Variants in EHHADH observed in about 807,000 individuals in gnomAD.
The protein encoded by EHHADH is peroxisomal bifunctional enzyme.
Under a neutral mutation model 64.4 loss-of-function variants are expected in EHHADH, and 48 were observed. The observed-to-expected ratio is 0.75, with a 90% confidence interval of 0.59 to 0.95. The LOEUF (loss-of-function observed/expected upper bound fraction) is 0.95. Ranked by LOEUF, EHHADH falls within the 40% of genes least tolerant of loss-of-function variation. The probability of loss-of-function intolerance (pLI) is 0.00; values close to 1 mark genes in which losing one functional copy is unlikely to be tolerated. For missense variants in EHHADH, 854 were observed against 876.6 expected (o/e 0.97, Z 0.33); for synonymous variants, 308 against 326.7 (o/e 0.94, Z 0.62).
chr3:185,222,087 A>C (rs1219498856), intron 4 of EHHADH, among the ~76,000 whole-genome samples: 1 of 152,078 alleles, frequency 6.6e-6, no homozygotes, highest in Non-Finnish European at 1.5e-5. Context: ...GTCTGGGTGT[A>C]GAAATCACAA....
At chr3:185,211,715 T>G (rs1718545016) in intron 5 of EHHADH, among the ~76,000 whole-genome samples, 1 of 152,234 alleles carries the variant, frequency 6.6e-6, no homozygotes, top group Non-Finnish European at 1.5e-5. Flanking sequence ...TTTAGACATG[T>G]GCGTAGGCCT....
intron 4 of EHHADH, among the ~76,000 whole-genome samples, chr3:185,222,415 G>A (rs1313809416): frequency 6.6e-6 from 1 of 152,024 alleles, no homozygotes; most frequent in East Asian, 1.9e-4. Context: ...AAAAATCACT[G>A]CAAGCTTTAA....
At chr3:185,240,839 C>T (rs1719429296) in intron 2 of EHHADH, among the ~76,000 whole-genome samples, 1 of 151,542 alleles carries the variant, frequency 6.6e-6, no homozygotes, top group African/African-American at 2.4e-5. Context: ...TATTGGGGTA[C>T]AGGTGGTGTT....
Position 185,193,172 on chromosome 3 carries a change from T to A in EHHADH, c.1226A>T (p.Asn409Ile). 6.2e-7 allele frequency: 1 copy of A among 1,613,040 alleles called. No individual in the cohort carries two copies. Among genetic ancestry groups the A allele is most frequent in the Non-Finnish European group, 8.5e-7 (1 of 1,179,666 alleles). Residue 409 changes from asparagine to isoleucine, a missense_variant, in exon 7 of 7, where the codon AAT becomes ATT. By Grantham distance (149) the Asn-to-Ile change is moderately radical. Coordinates refer to ENST00000231887, the MANE Select transcript of EHHADH (RefSeq NM_001966.4). ...VCKPEAFLCT[N>I]TSALDVDEIA... ...CTCATCAACATCCAGGGCTGAAGTATTAGTGCACAAAAATGCTTCTGGTTT... is the reference window on the plus strand; with the variant it reads ...CTCATCAACATCCAGGGCTGAAGTAATAGTGCACAAAAATGCTTCTGGTTT...
chr3:185,204,489 A>T lies in EHHADH; in HGVS notation c.837T>A (p.Asn279Lys). The change falls in exon 6 of 7, where the codon AAT becomes AAA. Residue 279 changes from asparagine (N) to lysine (K), a missense_variant. Physicochemically the swap from Asn to Lys is moderately conservative, Grantham distance 94. Transcript: ENST00000231887. ...QYAFFAERKA[N>K]KWSTPSGASW... Reference sequence around the variant, plus strand: ...ATGCTCCGGAGGGAGTTGACCACTTATTTGCTTTCCTTTCAGCGAAGAAAG... The same window carrying T: ...ATGCTCCGGAGGGAGTTGACCACTTTTTTGCTTTCCTTTCAGCGAAGAAAG... 6.2e-7 allele frequency: 1 copy of T among 1,614,092 alleles called. No individual in the cohort carries two copies. The highest frequency in any genetic ancestry group is 8.5e-7 in the Non-Finnish European group (1 of 1,179,990).
intron 2 of EHHADH, among the ~76,000 whole-genome samples, chr3:185,235,920 C>T (rs943076967): frequency 2.6e-5 from 4 of 152,030 alleles, no homozygotes; most frequent in African/African-American, 9.7e-5. Context: ...GGGCATGAGT[C>T]ATCACAATAT....
At position 185,245,741 on chromosome 3, in the gene EHHADH, A is replaced by G. The variant is rs547780821; in HGVS notation, c.178+2673T>C. 4.3e-6 allele frequency: 3 copies of G among 703,400 alleles called. No homozygotes were observed. In the Admixed American group the frequency reaches 6.7e-5, roughly 16 times the overall value. The allele number at this position is 703,400 out of a possible 1,614,324, so 43.6% of individuals were successfully genotyped here. Reference sequence around the variant, plus strand: ...CTTGTACCCAATTCAACCAACAAAAATGCAAGTGTGCTGACAATATAATAG... The same window carrying G: ...CTTGTACCCAATTCAACCAACAAAAGTGCAAGTGTGCTGACAATATAATAG... On this transcript the variant is annotated intron_variant, in intron 2 of 6. Transcript: ENST00000231887.
chr3:185,253,870 G>A (rs1719820263), intron 1 of EHHADH, 79 bp downstream of exon 1: 8 of 1,579,586 alleles, frequency 5.1e-6, no homozygotes, highest in Non-Finnish European at 5.2e-6. Context: ...AAACCGACGG[G>A]GGAGAGTCAA....
rs535581593 is a variant in EHHADH at position 185,236,965 on chromosome 3, T to C, written c.179-1503A>G. ...ATTCCCATTTTACAGGTAAGGAAGTTAATGCTTTGAGACAAGTGACTACTT... is the reference window on the plus strand; with the variant it reads ...ATTCCCATTTTACAGGTAAGGAAGTCAATGCTTTGAGACAAGTGACTACTT... On this transcript the variant is annotated intron_variant, in intron 2 of 6. Transcript: ENST00000231887. 4.6e-5 allele frequency among the ~76,000 whole-genome samples: 7 copies of C among 152,338 alleles called. 1 individual carries two copies. The highest frequency in any genetic ancestry group is 1.7e-4 in the African/African-American group (7 of 41,576).
intron 1 of EHHADH, among the ~76,000 whole-genome samples, chr3:185,250,340 A>T (rs891169452): frequency 6.6e-6 from 1 of 152,210 alleles, no homozygotes; most frequent in South Asian, 2.1e-4. Context: ...GATCCTCTGG[A>T]TATATCTTCA....
intron 5 of EHHADH, among the ~76,000 whole-genome samples, chr3:185,212,950 T>C (rs984189013): frequency 1.3e-5 from 2 of 151,468 alleles, no homozygotes; most frequent in African/African-American, 4.9e-5. Context: ...TGAAACCCCG[T>C]CTCTACTAAA....
At chr3:185,198,293 A>G (rs889454349) in intron 6 of EHHADH, among the ~76,000 whole-genome samples, 13 of 151,908 alleles carry the variant, frequency 8.6e-5, no homozygotes, top group Admixed American at 7.2e-4. Flanking sequence ...ATCTCAGCTC[A>G]CTGTAACCTC....
chr3:185,198,358 ACAGGCACCTGCCACCATGC>A (rs1423617180), intron 6 of EHHADH, among the ~76,000 whole-genome samples: 2 of 151,726 alleles, frequency 1.3e-5, no homozygotes, highest in African/African-American at 4.8e-5. Flanking sequence ...AGCTGGGATT[ACAGGCACCTGCCACCATGC>A]CTGGCTAATT....
In EHHADH at chr3:185,191,403, G is replaced by A. The variant is rs1482864258; in HGVS notation, c.*823C>T. On this transcript the variant is annotated 3_prime_UTR_variant, in exon 7 of 7. Coordinates refer to ENST00000231887, the MANE Select transcript of EHHADH (RefSeq NM_001966.4). Reference sequence around the variant, plus strand: ...TTCTGCTATAAATATTTGTGTACAAGTTTTTGTATTGACCAGCCCCTTAAT... The same window carrying A: ...TTCTGCTATAAATATTTGTGTACAAATTTTTGTATTGACCAGCCCCTTAAT... 2 of 152,190 alleles carry A rather than the reference G, an allele frequency of 1.3e-5. No homozygotes were observed. Among genetic ancestry groups the A allele is most frequent in the East Asian group, 3.8e-4 (2 of 5,200 alleles). 9.4% of individuals were successfully genotyped at this position (152,190 alleles called of 1,614,324 possible).
intron 5 of EHHADH, among the ~76,000 whole-genome samples, chr3:185,217,001 G>A (rs964064045): frequency 7.1e-6 from 1 of 139,928 alleles, no homozygotes; most frequent in Admixed American, 7.6e-5. Flanking sequence ...CTGAGAGAAG[G>A]ACATAACTCA....
intron 6 of EHHADH, among the ~76,000 whole-genome samples, chr3:185,201,512 C>T (rs1371369337): frequency 2.0e-5 from 3 of 152,124 alleles, no homozygotes; most frequent in East Asian, 1.9e-4. Flanking sequence ...GATGCAGGTC[C>T]TCAGGGTAAG....
At chr3:185,240,967 T>TC (rs1045447204) in intron 2 of EHHADH, among the ~76,000 whole-genome samples, 24 of 149,716 alleles carry the variant, frequency 1.6e-4, no homozygotes, top group African/African-American at 5.6e-4. Flanking sequence ...CTCCCACCCT[T>TC]CCCCCCCAAA....
At chr3:185,201,116 G>T (rs936649193) in intron 6 of EHHADH, among the ~76,000 whole-genome samples, 1 of 152,152 alleles carries the variant, frequency 6.6e-6, no homozygotes, top group African/African-American at 2.4e-5. Context: ...AGGGGTTTCA[G>T]ATTTTGGAAG....
chr3:185,229,657 G>T, intron 3 of EHHADH, 114 bp from the exon 4 acceptor site: 1 of 577,672 alleles, frequency 1.7e-6, no homozygotes, highest in Non-Finnish European at 2.8e-6. Context: ...ACTGAATTCA[G>T]CAAGATTTCT....
Sources: gnomAD v4.1 joint callset for allele counts (sites outside exome capture counted in the v4.1 genomes callset) on GRCh38, gnomAD v4.1.1 for gene constraint, MANE v1.5 for transcripts, NCBI Gene and HGNC (gene_info 2026-07-23, HGNC 2026-07-21) for gene names.